Variants in HNRNPC observed in about 807,000 individuals in gnomAD.
HNRNPC encodes heterogeneous nuclear ribonucleoproteins C1/C2.
HNRNPC carries 3 observed loss-of-function variants against 33.2 expected under a neutral mutation model. The ratio of observed to expected loss-of-function variants is 0.09; its 90% CI spans 0.04 to 0.23. HNRNPC has a LOEUF of 0.23. Ranked by LOEUF, HNRNPC falls within the 10% of genes least tolerant of loss-of-function variation. The pLI, the probability that HNRNPC is intolerant of heterozygous loss-of-function variation, is 1.00. For synonymous variants in HNRNPC, 121 were observed against 126.7 expected (o/e 0.96, Z 0.30); for missense variants, 143 against 366.7 (o/e 0.39, Z 4.98).
chr14:21,211,918 C>G lies in HNRNPC; in HGVS notation c.529G>C (p.Gly177Arg), dbSNP rs1891649218. 1.2e-6 allele frequency: 2 copies of G among 1,608,094 alleles called. No individual in the cohort carries two copies. The highest frequency in any genetic ancestry group is 1.7e-6 in the Non-Finnish European group (2 of 1,175,210). The change falls in exon 7 of 9, where the codon GGA (glycine) becomes CGA (arginine). Residue 177 changes from glycine to arginine, a missense_variant. By Grantham distance (125) the Gly-to-Arg change is moderately radical. Transcript: ENST00000553300. Reference protein sequence around the residue: ...RGSSKSGKLKGDDLQAIKKEL... With the variant: ...RGSSKSGKLKRDDLQAIKKEL... The stretch of plus-strand genomic sequence containing the variant: ...TTCTTAATGGCCTGAAGGTCATCTC[C>G]TTTCACTTTAATATAAACAAAATAC...
intron 5 of HNRNPC, among the ~76,000 whole-genome samples, chr14:21,216,340 A>AAAGC (rs1239267377): frequency 6.6e-6 from 1 of 152,198 alleles, no homozygotes; most frequent in Admixed American, 6.5e-5. Context: ...TATTAATAAT[A>AAAGC]AAGCTATCAT....
rs150366393 is a variant in HNRNPC at position 21,253,203 on chromosome 14, G to A, written c.-37+10108C>T. ...AAAAAAAAAAAAAGACTGGCCAGGCGCGGTGGCTCACGCCTGTAATCCCAG... is the reference window on the plus strand; with the variant it reads ...AAAAAAAAAAAAAGACTGGCCAGGCACGGTGGCTCACGCCTGTAATCCCAG... On this transcript the variant is annotated intron_variant, in intron 2 of 8. Transcript: ENST00000553300. 8.1e-3 allele frequency among the ~76,000 whole-genome samples: 1,206 copies of A among 148,744 alleles called. 11 individuals are homozygous for A. Among genetic ancestry groups the A allele is most frequent in the African/African-American group, 0.028 (1,125 of 40,288 alleles).
At chr14:21,219,687 A>G (rs1162209828) in intron 5 of HNRNPC, among the ~76,000 whole-genome samples, 1 of 152,090 alleles carries the variant, frequency 6.6e-6, no homozygotes, top group African/African-American at 2.4e-5. Flanking sequence ...TTTAAAGGTC[A>G]CAGTACCCCC....
intron 5 of HNRNPC, among the ~76,000 whole-genome samples, chr14:21,222,524 C>T (rs1410519741): frequency 1.3e-5 from 2 of 152,060 alleles, no homozygotes; most frequent in African/African-American, 4.8e-5. Context: ...GTACTTCTTT[C>T]ATTTTATGGT....
intron 1 of HNRNPC, chr14:21,264,969 A>C (rs536060472): frequency 6.6e-6 from 1 of 152,320 alleles, no homozygotes; most frequent in African/African-American, 2.4e-5. Flanking sequence ...GTGAGCTCTG[A>C]TCACGCCACT....
At chr14:21,231,915 CAT>C (rs934797357) in intron 3 of HNRNPC, among the ~76,000 whole-genome samples, 3 of 152,148 alleles carry the variant, frequency 2.0e-5, no homozygotes, top group African/African-American at 4.8e-5. Context: ...CACAAATTAA[CAT>C]AGTGAAGTGT....
intron 2 of HNRNPC, among the ~76,000 whole-genome samples, chr14:21,243,081 A>G (rs1895547359): frequency 6.6e-6 from 1 of 152,126 alleles, no homozygotes; most frequent in African/African-American, 2.4e-5. Context: ...GCGGAGATCA[A>G]GCCACCTCAC....
chr14:21,239,416 G>T (rs1185100553), intron 2 of HNRNPC, among the ~76,000 whole-genome samples: 1 of 151,894 alleles, frequency 6.6e-6, no homozygotes, highest in Non-Finnish European at 1.5e-5. Flanking sequence ...GGAGGCAGAG[G>T]TGCAGTCAGC....
At chr14:21,249,534 C>T (rs1896379808) in intron 2 of HNRNPC, among the ~76,000 whole-genome samples, 1 of 144,296 alleles carries the variant, frequency 6.9e-6, no homozygotes, top group South Asian at 2.1e-4. Flanking sequence ...AGCAGGGAGC[C>T]TAGATCTCGC....
intron 1 of HNRNPC, among the ~76,000 whole-genome samples, chr14:21,266,099 T>G (rs1878929541): frequency 6.6e-6 from 1 of 152,192 alleles, no homozygotes. Context: ...TTCCCCAGTT[T>G]AGAATCAATT....
chr14:21,216,008 C>A (rs1892135593), intron 5 of HNRNPC, among the ~76,000 whole-genome samples: 1 of 149,764 alleles, frequency 6.7e-6, no homozygotes, highest in African/African-American at 2.5e-5. Flanking sequence ...CCCAGCTACG[C>A]AGGAGGCTGA....
At chr14:21,242,283 G>A (rs1594275732) in intron 2 of HNRNPC, among the ~76,000 whole-genome samples, 1 of 152,196 alleles carries the variant, frequency 6.6e-6, no homozygotes, top group African/African-American at 2.4e-5. Context: ...AAGAGGTGGA[G>A]ACCAAACTGG....
At chr14:21,248,623 A>G (rs1302895702) in intron 2 of HNRNPC, among the ~76,000 whole-genome samples, 1 of 152,238 alleles carries the variant, frequency 6.6e-6, no homozygotes, top group Non-Finnish European at 1.5e-5. Context: ...GTGACTAACA[A>G]TACTAAAGGT....
intron 3 of HNRNPC, chr14:21,231,399 C>A (rs756746847): frequency 4.2e-6 from 2 of 472,600 alleles, no homozygotes; most frequent in East Asian, 6.4e-5. Flanking sequence ...CACTGTCATA[C>A]AAGCTGGAGT....
intron 5 of HNRNPC, among the ~76,000 whole-genome samples, chr14:21,219,037 G>A (rs558782329): frequency 6.8e-6 from 1 of 147,710 alleles, no homozygotes; most frequent in South Asian, 2.1e-4. Flanking sequence ...TTGAACCCAG[G>A]AAGCAGAGGT....
intron 2 of HNRNPC, among the ~76,000 whole-genome samples, chr14:21,260,750 A>G (rs1045473255): frequency 5.3e-5 from 8 of 151,854 alleles, no homozygotes; most frequent in African/African-American, 1.9e-4. Flanking sequence ...AGACCATGAG[A>G]TCAGGAGTTT....
intron 2 of HNRNPC, among the ~76,000 whole-genome samples, chr14:21,237,720 C>T (rs1388186515): frequency 6.6e-6 from 1 of 152,120 alleles, no homozygotes; most frequent in Non-Finnish European, 1.5e-5. Flanking sequence ...TGCCAGCATC[C>T]TTTTATAGTA....
intron 2 of HNRNPC, among the ~76,000 whole-genome samples, chr14:21,258,067 T>C (rs1196405713): frequency 6.6e-6 from 1 of 152,202 alleles, no homozygotes. Flanking sequence ...AAAGTTGTTC[T>C]TTGGAACTTT....
intron 2 of HNRNPC, among the ~76,000 whole-genome samples, chr14:21,259,717 G>A (rs1342057839): frequency 6.6e-6 from 1 of 151,912 alleles, no homozygotes; most frequent in Admixed American, 6.6e-5. Context: ...AAGCCAGGTC[G>A]TTATTCTTTC....
Sources: gnomAD v4.1 joint callset for allele counts (sites outside exome capture counted in the v4.1 genomes callset) on GRCh38, gnomAD v4.1.1 for gene constraint, MANE v1.5 for transcripts, NCBI Gene and HGNC (gene_info 2026-07-23, HGNC 2026-07-21) for gene names.